The following EYS variants were observed in gnomAD, a reference collection of about 807,000 sequenced individuals.
The protein encoded by EYS is EGF-like photoreceptor maintenance factor.
EYS carries 250 observed loss-of-function variants against 282.1 expected under a neutral mutation model. That is an observed-to-expected ratio of 0.89 (90% confidence interval 0.80 to 0.98). The LOEUF is 0.98. Among genes scored for constraint, EYS ranks in the 50% least tolerant of loss-of-function variants. The pLI is 0.00. For synonymous variants in EYS, 1,355 were observed against 1,282.9 expected, an observed-to-expected ratio of 1.06 and a Z score of -1.20; for missense variants, 4,016 against 3,709.0, an observed-to-expected ratio of 1.08 and a Z score of -2.15.
chr6:64,044,038 T>C (rs1224894853), intron 33 of EYS, among the ~76,000 whole-genome samples: 4 of 152,226 alleles, frequency 2.6e-5, no homozygotes, highest in Non-Finnish European at 5.9e-5. Context: ...TCATTAGTTA[T>C]GCTAATGAGG....
intron 12 of EYS, among the ~76,000 whole-genome samples, chr6:65,148,271 A>C (rs185731120): frequency 6.6e-6 from 1 of 152,268 alleles, no homozygotes; most frequent in Admixed American, 6.5e-5. Context: ...CAAGTTAGTT[A>C]ATTCCTTGGT....
chr6:65,196,834 A>C (rs899857323), intron 12 of EYS, among the ~76,000 whole-genome samples: 3 of 152,068 alleles, frequency 2.0e-5, no homozygotes, highest in Non-Finnish European at 4.4e-5. Context: ...ATAATTGCGA[A>C]CGTTTTCCAT....
intron 31 of EYS, among the ~76,000 whole-genome samples, chr6:64,106,499 G>A (rs1773017039): frequency 6.6e-6 from 1 of 152,048 alleles, no homozygotes; most frequent in Non-Finnish European, 1.5e-5. Context: ...CATGGTATCT[G>A]AGGAGAAATC....
intron 18 of EYS, among the ~76,000 whole-genome samples, chr6:64,893,029 GC>G (rs1038912422): frequency 1.1e-3 from 165 of 152,038 alleles, no homozygotes; most frequent in Middle Eastern, 0.01. Context: ...TTCTTTAAAT[GC>G]ACTAGCCACT....
intron 35 of EYS, among the ~76,000 whole-genome samples, chr6:63,899,085 A>G (rs531491652): frequency 1.3e-5 from 2 of 152,376 alleles, no homozygotes; most frequent in South Asian, 4.1e-4. Context: ...GAGAGTGCAG[A>G]TTATTACGTT....
intron 14 of EYS, among the ~76,000 whole-genome samples, chr6:64,950,782 T>A (rs1769460319): frequency 1.2e-5 from 1 of 83,292 alleles, no homozygotes; most frequent in Non-Finnish European, 2.2e-5. Flanking sequence ...AAAAAATATA[T>A]ACACATATAC....
intron 26 of EYS, among the ~76,000 whole-genome samples, chr6:64,456,482 G>GA (rs1236682811): frequency 1.3e-5 from 2 of 151,926 alleles, no homozygotes; most frequent in African/African-American, 4.8e-5. Flanking sequence ...GGATCTTGAA[G>GA]AAATCTTTTA....
At chr6:63,721,867 T>A (rs1768410350) in intron 42 of EYS, 70 bp from the exon 43 acceptor site, 1 of 1,391,852 alleles carries the variant, frequency 7.2e-7, no homozygotes, top group Non-Finnish European at 9.6e-7. Context: ...TTGCTGTTTC[T>A]GGCCAAGTTG....
intron 22 of EYS, among the ~76,000 whole-genome samples, chr6:64,653,632 G>A (rs1034849628): frequency 2.0e-5 from 3 of 151,866 alleles, no homozygotes; most frequent in African/African-American, 7.3e-5. Flanking sequence ...TGGCGTGACT[G>A]TGGCTCACTG....
At chr6:64,334,741 C>CTT (rs1445432133) in intron 29 of EYS, among the ~76,000 whole-genome samples, 1 of 152,130 alleles carries the variant, frequency 6.6e-6, no homozygotes, top group Non-Finnish European at 1.5e-5. Context: ...TTGTGGAAAG[C>CTT]TTAATTCAAT....
chr6:64,797,096 C>T (rs1041590241), intron 22 of EYS, among the ~76,000 whole-genome samples: 2 of 152,016 alleles, frequency 1.3e-5, no homozygotes, highest in Non-Finnish European at 1.5e-5. Flanking sequence ...AAATTCTAAT[C>T]GGGTTAATCA....
intron 12 of EYS, among the ~76,000 whole-genome samples, chr6:65,285,807 A>G (rs1768346887): frequency 6.6e-6 from 1 of 151,958 alleles, no homozygotes; most frequent in Non-Finnish European, 1.5e-5. Flanking sequence ...TTAGAAAGAG[A>G]ATGGAATTTG....
At chr6:65,402,740 G>A (rs1420541434) in intron 6 of EYS, 135 bp from the exon 7 acceptor site, 2 of 590,156 alleles carry the variant, frequency 3.4e-6, no homozygotes, top group Non-Finnish European at 6.0e-6. Context: ...CAATGTGGCA[G>A]ATTCTATTTT....
chr6:65,485,796 T>G (rs906853007), intron 5 of EYS, among the ~76,000 whole-genome samples: 7 of 134,396 alleles, frequency 5.2e-5, no homozygotes, highest in African/African-American at 1.7e-4. Flanking sequence ...ACAGTGAGAC[T>G]GCCTCAAACA....
intron 22 of EYS, among the ~76,000 whole-genome samples, chr6:64,686,744 T>TGGGCGACAGAGCAAGATTCCATCTAA: frequency 8.4e-5 from 1 of 11,840 alleles, no homozygotes; most frequent in Non-Finnish European, 3.8e-4. Flanking sequence ...TCCATCTAAA[T>TGGGCGACAGAGCAAGATTCCATCTAA]ATATATATAT....
chr6:63,834,384 T>A (rs1771742131), intron 36 of EYS, among the ~76,000 whole-genome samples: 1 of 151,880 alleles, frequency 6.6e-6, no homozygotes, highest in Non-Finnish European at 1.5e-5. Context: ...CATCAAAAAG[T>A]GGGTGAAGGA....
In EYS at chr6:64,591,659, AT is replaced by A. The variant is rs1766414666; in HGVS notation, c.4207del (p.Ile1403PhefsTer25). The A allele has an allele frequency of 6.4e-7, 1 of 1,551,238 alleles. No individual in the cohort carries two copies. Among genetic ancestry groups the A allele is most frequent in the Non-Finnish European group, 8.7e-7 (1 of 1,146,780 alleles). ...AAATAATAAAGATTGTGTAGGAAAA[AT>A]AAAATCTGACATTAAGGAAGACATG... ...FIMSSLMSDFIFPTQSLLFEN... is the reference protein window; with the variant it reads ...FIMSSLMSDFXFPTQSLLFEN... On this transcript the variant is annotated frameshift_variant, in exon 26 of 43. Coordinates refer to ENST00000503581, the MANE Select transcript of EYS (RefSeq NM_001142800.2). LOFTEE classifies it high-confidence loss of function.
chr6:64,739,698 A>G (rs1173986738), intron 22 of EYS, among the ~76,000 whole-genome samples: 1 of 152,166 alleles, frequency 6.6e-6, no homozygotes, highest in African/African-American at 2.4e-5. Flanking sequence ...CCTGAATAAT[A>G]TTAAAAAATT....
intron 22 of EYS, among the ~76,000 whole-genome samples, chr6:64,643,123 A>C (rs113498431): frequency 3.9e-3 from 253 of 65,446 alleles, no homozygotes; most frequent in African/African-American, 8.9e-3. Context: ...CCCCCCCCCC[A>C]AAAAAAAACA....
Sources: gnomAD v4.1 joint callset for allele counts (sites outside exome capture counted in the v4.1 genomes callset) on GRCh38, gnomAD v4.1.1 for gene constraint, MANE v1.5 for transcripts, NCBI Gene and HGNC (gene_info 2026-07-23, HGNC 2026-07-21) for gene names.